Variants in VWA3B observed in about 807,000 individuals in gnomAD.
VWA3B encodes the protein von Willebrand factor A domain-containing protein 3B.
VWA3B carries 138 observed loss-of-function variants against 158.3 expected under a neutral mutation model. That is an observed-to-expected ratio of 0.87 (90% CI 0.76 to 1.00). The LOEUF (loss-of-function observed/expected upper bound fraction) is 1.00. Among genes scored for constraint, VWA3B ranks in the 50% least tolerant of loss-of-function variants. The probability of loss-of-function intolerance (pLI) is 0.00; values close to 1 mark genes in which losing one functional copy is unlikely to be tolerated. For missense variants in VWA3B, 1,555 were observed against 1,565.1 expected (o/e 0.99, Z 0.11); for synonymous variants, 596 against 587.3 (o/e 1.01, Z -0.21).
chr2:98,113,825 T>C (rs956527442), intron 2 of VWA3B, among the ~76,000 whole-genome samples: 1 of 152,226 alleles, frequency 6.6e-6, no homozygotes. Context: ...ATCCATGTTG[T>C]AACCAGCACC....
chr2:98,230,120 T>A lies in VWA3B; in HGVS notation c.2221T>A (p.Ser741Thr), dbSNP rs1248704789. The change falls in exon 16 of 28, where the codon TCA (serine) becomes ACA (threonine). Residue 741 changes from serine (S) to threonine (T), a missense_variant. By Grantham distance (58) the Ser-to-Thr change is moderately conservative. Coordinates refer to ENST00000477737, the MANE Select transcript of VWA3B (RefSeq NM_144992.5). ...TGCAAAGCCTCAATCTGATGTCGATTCAACACAAACTTCATCTCTGAATAT... is the reference window on the plus strand; with the variant it reads ...TGCAAAGCCTCAATCTGATGTCGATACAACACAAACTTCATCTCTGAATAT... ...KCAKPQSDVD[S>T]TQTSSLNMLK... The A allele has an allele frequency of 6.2e-7, 1 of 1,611,824 alleles. No homozygotes were observed. Among genetic ancestry groups the A allele is most frequent in the Non-Finnish European group, 8.5e-7 (1 of 1,179,498 alleles).
chr2:98,253,318 G>A (rs537875460), intron 20 of VWA3B, among the ~76,000 whole-genome samples: 1 of 152,278 alleles, frequency 6.6e-6, no homozygotes, highest in African/African-American at 2.4e-5. Flanking sequence ...AAATCCATAT[G>A]TTTAAGGATG....
the VWA3B span, among the ~76,000 whole-genome samples, chr2:98,324,628 G>A: frequency 6.6e-6 from 1 of 152,234 alleles, no homozygotes; most frequent in Non-Finnish European, 1.5e-5. Context: ...TCTGAGGAAT[G>A]TAACAGAATT....
the VWA3B span, among the ~76,000 whole-genome samples, chr2:98,329,814 GTCCT>G: frequency 5.4e-4 from 82 of 152,260 alleles, no homozygotes; most frequent in African/African-American, 2.0e-3. Flanking sequence ...GATGTATTGT[GTCCT>G]TTATGAAGAA....
intron 15 of VWA3B, chr2:98,229,002 T>C (rs1406192480): frequency 6.6e-6 from 1 of 152,210 alleles, no homozygotes; most frequent in Non-Finnish European, 1.5e-5. Flanking sequence ...AATACATTTA[T>C]TAATGAGAAT....
At chr2:98,135,271 A>G (rs950899246) in intron 7 of VWA3B, among the ~76,000 whole-genome samples, 3 of 151,918 alleles carry the variant, frequency 2.0e-5, no homozygotes, top group South Asian at 4.2e-4. Flanking sequence ...ATTTTCAGCA[A>G]CTACCATCTT....
intron 24 of VWA3B, 86 bp from the exon 25 acceptor site, chr2:98,299,993 G>C (rs1018408579): frequency 6.5e-7 from 1 of 1,548,070 alleles, no homozygotes; most frequent in African/African-American, 1.4e-5. Context: ...CTTGCCAATT[G>C]CCTTGGAGTA....
At chr2:98,099,927 T>G (rs923034530) in intron 2 of VWA3B, among the ~76,000 whole-genome samples, 3 of 152,196 alleles carry the variant, frequency 2.0e-5, no homozygotes, top group African/African-American at 7.2e-5. Flanking sequence ...TGCCAATCTC[T>G]CTGACATTTT....
At chr2:98,188,278 A>G (rs755116499) in intron 10 of VWA3B, 149 bp downstream of exon 10, 26 of 1,073,650 alleles carry the variant, frequency 2.4e-5, no homozygotes, top group Non-Finnish European at 3.0e-5. Flanking sequence ...GTGTGTGTAT[A>G]CAATGTACAA....
the VWA3B span, among the ~76,000 whole-genome samples, chr2:98,327,002 A>G: frequency 1.3e-5 from 2 of 151,952 alleles, no homozygotes; most frequent in East Asian, 3.9e-4. Context: ...CTTGAAAAAA[A>G]AAAAAAAGTA....
At chr2:98,330,078 G>C in the VWA3B span, among the ~76,000 whole-genome samples, 1 of 152,140 alleles carries the variant, frequency 6.6e-6, no homozygotes, top group African/African-American at 2.4e-5. Flanking sequence ...ACAACATCTG[G>C]GACTGCTGCT....
At chr2:98,257,065 G>T (rs930088519) in intron 21 of VWA3B, among the ~76,000 whole-genome samples, 4 of 151,958 alleles carry the variant, frequency 2.6e-5, no homozygotes, top group Non-Finnish European at 4.4e-5. Flanking sequence ...CTGTATGTTT[G>T]TGTCCAATAG....
At chr2:98,296,241 G>A (rs1001635164) in intron 23 of VWA3B, among the ~76,000 whole-genome samples, 1 of 152,236 alleles carries the variant, frequency 6.6e-6, no homozygotes, top group Admixed American at 6.5e-5. Context: ...TGTAGTGGCA[G>A]CTCAGACCCT....
At chr2:98,127,416 C>T (rs1227724101) in intron 5 of VWA3B, among the ~76,000 whole-genome samples, 8 of 152,028 alleles carry the variant, frequency 5.3e-5, no homozygotes, top group African/African-American at 1.4e-4. Flanking sequence ...AGCACCGTCC[C>T]GGGAGGAGCG....
At chr2:98,171,692 G>A (rs1341350511) in intron 8 of VWA3B, among the ~76,000 whole-genome samples, 1 of 152,026 alleles carries the variant, frequency 6.6e-6, no homozygotes, top group East Asian at 1.9e-4. Flanking sequence ...AAAAAAAAAA[G>A]ATCACTTTGG....
chr2:98,263,846 C>T (rs1258504457), intron 21 of VWA3B, among the ~76,000 whole-genome samples: 1 of 152,012 alleles, frequency 6.6e-6, no homozygotes, highest in Non-Finnish European at 1.5e-5. Flanking sequence ...GCAGAATTCT[C>T]CAGTTAAGCC....
At chr2:98,178,705 C>T (rs1345819259) in intron 8 of VWA3B, among the ~76,000 whole-genome samples, 1 of 152,114 alleles carries the variant, frequency 6.6e-6, no homozygotes, top group Non-Finnish European at 1.5e-5. Flanking sequence ...GCCTGGGGAG[C>T]TTTGTAAAAT....
intron 7 of VWA3B, among the ~76,000 whole-genome samples, chr2:98,151,017 C>G (rs1049490674): frequency 2.6e-5 from 4 of 152,190 alleles, no homozygotes; most frequent in African/African-American, 7.2e-5. Flanking sequence ...TTACAGTTTT[C>G]ATCAAATGTG....
intron 2 of VWA3B, among the ~76,000 whole-genome samples, chr2:98,115,220 C>A (rs1025039243): frequency 1.3e-5 from 2 of 151,780 alleles, no homozygotes; most frequent in African/African-American, 4.8e-5. Flanking sequence ...ATGCCGTTCT[C>A]ACTCATAGGT....
Sources: allele counts gnomAD v4.1 joint callset (sites outside exome capture counted in the v4.1 genomes callset), GRCh38; gene constraint gnomAD v4.1.1; transcripts MANE v1.5; gene names NCBI Gene and HGNC (gene_info 2026-07-23, HGNC 2026-07-21).